The following CEBPZOS variants were observed in gnomAD, a reference collection of about 807,000 sequenced individuals.
The protein encoded by CEBPZOS is protein CEBPZOS.
A neutral mutation model predicts 4.8 loss-of-function variants in CEBPZOS; 10 were observed. That is an observed-to-expected ratio of 2.07 (90% CI 1.28 to 3.52). The LOEUF (loss-of-function observed/expected upper bound fraction) is 3.52, where lower values mean the gene tolerates loss of function less well. CEBPZOS is among the 30% of genes most tolerant of loss of function. The pLI is 0.00. For missense variants in CEBPZOS, 98 were observed against 43.6 expected, an observed-to-expected ratio of 2.25 and a Z score of -3.51; for synonymous variants, 25 against 14.2, an observed-to-expected ratio of 1.77 and a Z score of -1.72.
chr2:37,205,502 A>G (rs536346758), downstream of CEBPZOS, among the ~76,000 whole-genome samples: 19 of 152,158 alleles, frequency 1.2e-4, no homozygotes, highest in Non-Finnish European at 1.9e-4. Flanking sequence ...CCCAAATCCT[A>G]TAAAATGGCC....
intron 1 of CEBPZOS, among the ~76,000 whole-genome samples, chr2:37,198,852 A>G (rs892833162): frequency 6.6e-6 from 1 of 152,120 alleles, no homozygotes; most frequent in African/African-American, 2.4e-5. Context: ...TTTGTATAAA[A>G]ATTACTGCGT....
chr2:37,202,971 G>C lies in CEBPZOS; in HGVS notation c.*1111G>C. 1 of 1,561,718 alleles carries C rather than the reference G, an allele frequency of 6.4e-7. No homozygotes were observed. Among genetic ancestry groups the C allele is most frequent in the Non-Finnish European group, 8.6e-7 (1 of 1,157,000 alleles). ...TTACCTCTTCAGCAGATACAAATAG[G>C]CTGGAATCATTTAAGTTTCTTTTCT... On this transcript the variant is annotated 3_prime_UTR_variant, in exon 5 of 5. Transcript: ENST00000402297.
In CEBPZOS at chr2:37,210,755, A is replaced by C. The variant is rs555516482; in HGVS notation, c.*3-2682A>C. On this transcript the variant is annotated intron_variant, in intron 4 of 4. Transcript: ENST00000397064. Reference sequence around the variant, plus strand: ...TAACCAAACACCCTACCTGTTCCCCAAAAACAACTGAAATAATGATAACAA... The same window carrying C: ...TAACCAAACACCCTACCTGTTCCCCCAAAACAACTGAAATAATGATAACAA... The C allele has an allele frequency of 3.3e-4, 126 of 382,508 alleles. No individual in the cohort carries two copies. The East Asian group carries it at 5.8e-3, about 18-fold the overall frequency. 23.7% of individuals were successfully genotyped at this position (382,508 alleles called of 1,614,324 possible).
downstream of CEBPZOS, chr2:37,215,509 C>A (rs749744829): frequency 2.6e-5 from 4 of 152,324 alleles, no homozygotes; most frequent in African/African-American, 4.8e-5. Flanking sequence ...TTCTAACTTA[C>A]TAACTGTGGG....
rs1677393847 is a variant in CEBPZOS, at chr2:37,203,631, T to G, written c.*1771T>G. On this transcript the variant is annotated 3_prime_UTR_variant, in exon 5 of 5. Coordinates refer to ENST00000402297, the MANE Select transcript of CEBPZOS (RefSeq NM_001322374.2). ...CAGCTGTTTTAAGTGTATTAACGCA[T>G]TTTGGTAAATTTACAGACTTGTTCA... The G allele has an allele frequency of 6.6e-6, 1 of 152,200 alleles. No homozygotes were observed. Among genetic ancestry groups the G allele is most frequent in the African/African-American group, 2.4e-5 (1 of 41,446 alleles). 9.4% of individuals were successfully genotyped at this position (152,200 alleles called of 1,614,324 possible).
downstream of CEBPZOS, among the ~76,000 whole-genome samples, chr2:37,208,075 A>G (rs556150449): frequency 6.6e-6 from 1 of 152,326 alleles, no homozygotes; most frequent in South Asian, 2.1e-4. Flanking sequence ...TCCTGGAAAT[A>G]TACAACCCTT....
chr2:37,206,396 C>T (rs1213760324), downstream of CEBPZOS, among the ~76,000 whole-genome samples: 4 of 152,356 alleles, frequency 2.6e-5, no homozygotes, highest in African/African-American at 4.8e-5. Flanking sequence ...CTTGCTCTGT[C>T]GCCCAGGCGG....
chr2:37,210,788 A>G (rs1281044647), intron 4 of CEBPZOS: 1 of 466,366 alleles, frequency 2.1e-6, no homozygotes, highest in Non-Finnish European at 3.8e-6. Context: ...CAAATTTTTA[A>G]AAAGTGAATG....
chr2:37,211,878 A>C (rs759528974), intron 4 of CEBPZOS: 8 of 1,609,980 alleles, frequency 5.0e-6, no homozygotes, highest in Non-Finnish European at 5.9e-6. Context: ...TAACACATCC[A>C]TGAATGTTCC....
chr2:37,202,901 AAAAAT>A lies in CEBPZOS; in HGVS notation c.*1044_*1048del. The A allele has an allele frequency of 6.3e-7, 1 of 1,593,710 alleles. No individual in the cohort carries two copies. ...AAAACGATAAATTTATTAGAAAACT[AAAAAT>A]AATGTAGAATAGCTAGCTTGTTAAA... On this transcript the variant is annotated 3_prime_UTR_variant, in exon 5 of 5. Transcript: ENST00000402297.
In CEBPZOS at chr2:37,202,644, C is replaced by CAAAAAAAAAA. The variant is rs56340587; in HGVS notation, c.*823_*832dup. ...TGGGCAAGGGAGTGAGACGCTGTCT[C>CAAAAAAAAAA]AAAAAAAAAAAAAAAAAAAAAAAAA... On this transcript the variant is annotated 3_prime_UTR_variant, in exon 5 of 5. Coordinates refer to ENST00000402297, the MANE Select transcript of CEBPZOS (RefSeq NM_001322374.2). The CAAAAAAAAAA allele has an allele frequency of 3.9e-5, 8 of 207,690 alleles. 1 individual carries two copies. The highest frequency in any genetic ancestry group is 5.6e-5 in the Non-Finnish European group (7 of 125,856). 12.9% of individuals were successfully genotyped at this position (207,690 alleles called of 1,614,324 possible). A position where few individuals can be genotyped will look rare whatever the true frequency, so the allele number is the denominator to read the frequency against.
intron 4 of CEBPZOS, chr2:37,209,895 T>C (rs116227976): frequency 6.6e-6 from 1 of 152,234 alleles, no homozygotes; most frequent in African/African-American, 2.4e-5. Flanking sequence ...GAGAAAGGAC[T>C]AATGTCCAGA....
At chr2:37,206,224 G>T (rs1677535088), downstream of CEBPZOS, among the ~76,000 whole-genome samples, 1 of 152,214 alleles carries the variant, frequency 6.6e-6, no homozygotes, top group Non-Finnish European at 1.5e-5. Context: ...ACAGCGTGTG[G>T]CAACGTGTTT....
rs148234399 is a variant in CEBPZOS at position 37,202,997 on chromosome 2, T to G, written c.*1137T>G. On this transcript the variant is annotated 3_prime_UTR_variant, in exon 5 of 5. Coordinates refer to ENST00000402297, the MANE Select transcript of CEBPZOS (RefSeq NM_001322374.2). ...CTGGAATCATTTAAGTTTCTTTTCT[T>G]TTTTCTTGGCCCTAAAAAAAATTGT... 344 of 1,551,558 alleles carry G rather than the reference T, an allele frequency of 2.2e-4. 1 individual carries two copies. In the African/African-American group the frequency reaches 4.2e-3, roughly 19 times the overall value.
At chr2:37,205,841 G>T (rs1677519593), downstream of CEBPZOS, among the ~76,000 whole-genome samples, 1 of 152,080 alleles carries the variant, frequency 6.6e-6, no homozygotes, top group Non-Finnish European at 1.5e-5. Flanking sequence ...GCAGAATCTT[G>T]TAAGATAATA....
downstream of CEBPZOS, among the ~76,000 whole-genome samples, chr2:37,214,660 TAAC>T (rs1677826368): frequency 6.6e-6 from 1 of 152,314 alleles, no homozygotes; most frequent in East Asian, 1.9e-4. Flanking sequence ...TAAATTTTCT[TAAC>T]AAACACAGAC....
downstream of CEBPZOS, chr2:37,209,132 T>G (rs1209753825): frequency 6.6e-6 from 1 of 151,940 alleles, no homozygotes; most frequent in Admixed American, 6.6e-5. Context: ...AAAACACTGC[T>G]GAAAGAAACC....
downstream of CEBPZOS, among the ~76,000 whole-genome samples, chr2:37,205,643 T>A (rs1456953731): frequency 6.6e-6 from 1 of 152,242 alleles, no homozygotes; most frequent in African/African-American, 2.4e-5. Context: ...TGAAACTTTT[T>A]AAAACATTAT....
intron 4 of CEBPZOS, among the ~76,000 whole-genome samples, chr2:37,212,915 T>C (rs1258543592): frequency 6.8e-6 from 1 of 147,850 alleles, no homozygotes; most frequent in African/African-American, 2.5e-5. Flanking sequence ...GGCATGTACC[T>C]GTAGTCCCAG....
Sources: gnomAD v4.1 joint callset for allele counts (sites outside exome capture counted in the v4.1 genomes callset) on GRCh38, gnomAD v4.1.1 for gene constraint, MANE v1.5 for transcripts, NCBI Gene and HGNC (gene_info 2026-07-23, HGNC 2026-07-21) for gene names.